TMCC1: variants seen among roughly 807,000 people sequenced by gnomAD.
TMCC1 encodes transmembrane and coiled-coil domain family 1.
A neutral mutation model predicts 52.4 loss-of-function variants in TMCC1; 15 were observed. That is an observed-to-expected ratio of 0.29 (90% confidence interval 0.19 to 0.44). The LOEUF is 0.44. Among genes scored for constraint, TMCC1 ranks in the 20% least tolerant of loss-of-function variants. The pLI is 1.00. For missense variants in TMCC1, 503 were observed against 806.0 expected, an observed-to-expected ratio of 0.62 and a Z score of 4.55; for synonymous variants, 279 against 301.9, an observed-to-expected ratio of 0.92 and a Z score of 0.79.
chr3:129,876,183 C>T (rs2061200096), intron 2 of TMCC1, among the ~76,000 whole-genome samples: 1 of 149,902 alleles, frequency 6.7e-6, no homozygotes, highest in African/African-American at 2.4e-5. Flanking sequence ...TAAAGTTATA[C>T]CTTCATTCTT....
rs537281508 is a variant in TMCC1, at chr3:129,830,957, C to T, written c.-131+1817G>A. Among the ~76,000 whole-genome samples, 36 of 152,178 alleles carry T rather than the reference C, an allele frequency of 2.4e-4. No individual in the cohort carries two copies. In the South Asian group the frequency reaches 3.7e-3, roughly 16 times the overall value. On this transcript the variant is annotated intron_variant, in intron 3 of 6. Transcript: ENST00000393238. ...TATTTTTGTTTTTGTTTTTTTGAGA[C>T]GGAGTCTTGCTCTTTCACCCAGGCT...
chr3:129,756,055 G>A (rs2052973558), intron 4 of TMCC1, among the ~76,000 whole-genome samples: 1 of 147,828 alleles, frequency 6.8e-6, no homozygotes, highest in South Asian at 2.1e-4. Context: ...CCCAGATCAT[G>A]CCACTGCACT....
chr3:129,671,286 C>G (rs6769406), intron 4 of TMCC1, 22 bp from the exon 5 acceptor site: 136,505 of 1,583,222 alleles, frequency 0.086, 7,835 homozygotes, highest in African/African-American at 0.29. Context: ...ACAAGAGGTA[C>G]ATGTTAGAAG....
intron 4 of TMCC1, among the ~76,000 whole-genome samples, chr3:129,745,090 A>G (rs1310476987): frequency 6.6e-6 from 1 of 152,248 alleles, no homozygotes; most frequent in Admixed American, 6.5e-5. Flanking sequence ...TAAGACATGC[A>G]CTGCACTGTC....
intron 4 of TMCC1, among the ~76,000 whole-genome samples, chr3:129,751,622 G>C (rs1336525531): frequency 6.6e-6 from 1 of 151,700 alleles, no homozygotes; most frequent in African/African-American, 2.4e-5. Context: ...GAGTGCAGTG[G>C]TGCAATCTTG....
In TMCC1 at chr3:129,830,569, G is replaced by A. The variant is rs2058861508; in HGVS notation, c.-130-2061C>T. On this transcript the variant is annotated intron_variant, in intron 3 of 6. Transcript: ENST00000393238. ...TTAGATCCTGAGAAGATGGGAGGGT[G>A]TGAAAGCAGCAGAACAGTACTGAAA... Among the ~76,000 whole-genome samples, 3 of 152,134 alleles carry A rather than the reference G, an allele frequency of 2.0e-5. No homozygotes were observed. The South Asian group carries it at 6.2e-4, about 32-fold the overall frequency.
rs571834238 is a variant in TMCC1, at chr3:129,702,555, AT to A, written c.577-31292del. 4.1e-3 allele frequency among the ~76,000 whole-genome samples: 627 copies of A among 152,300 alleles called. 4 individuals are homozygous for A. The highest frequency in any genetic ancestry group is 6.0e-3 in the Non-Finnish European group (407 of 68,028). ...ATGCTGTTTACCATAGTGAAGAGCTATTTCAGGCTGAATGCCATGAATGTCA... is the reference window on the plus strand; with the variant it reads ...ATGCTGTTTACCATAGTGAAGAGCTATTCAGGCTGAATGCCATGAATGTCA... On this transcript the variant is annotated intron_variant, in intron 4 of 6. Transcript: ENST00000393238.
chr3:129,657,729 A>T (rs572412031), intron 5 of TMCC1, among the ~76,000 whole-genome samples: 2 of 152,188 alleles, frequency 1.3e-5, no homozygotes, highest in African/African-American at 4.8e-5. Flanking sequence ...AGTATAATAA[A>T]AAATTATGAA....
chr3:129,841,677 C>T (rs2059429351), intron 2 of TMCC1, among the ~76,000 whole-genome samples: 1 of 152,134 alleles, frequency 6.6e-6, no homozygotes, highest in Non-Finnish European at 1.5e-5. Flanking sequence ...AAAAGGGAAG[C>T]AGAGCATAAA....
At chr3:129,672,138 C>T (rs1415732007) in intron 4 of TMCC1, among the ~76,000 whole-genome samples, 1 of 152,158 alleles carries the variant, frequency 6.6e-6, no homozygotes, top group African/African-American at 2.4e-5. Context: ...AAGAAAAAGA[C>T]AAGATACTCA....
At chr3:129,768,812 A>T (rs1476046518) in intron 4 of TMCC1, among the ~76,000 whole-genome samples, 2 of 152,212 alleles carry the variant, frequency 1.3e-5, no homozygotes, top group African/African-American at 4.8e-5. Flanking sequence ...GTCTCTAGAA[A>T]CTATGATTTT....
At chr3:129,677,305 A>C (rs902561057) in intron 4 of TMCC1, among the ~76,000 whole-genome samples, 1 of 152,218 alleles carries the variant, frequency 6.6e-6, no homozygotes, top group Non-Finnish European at 1.5e-5. Context: ...CATTCTCACA[A>C]GACTTTAGAA....
At chr3:129,787,070 A>T (rs1031227677) in intron 4 of TMCC1, among the ~76,000 whole-genome samples, 2 of 152,214 alleles carry the variant, frequency 1.3e-5, no homozygotes, top group Non-Finnish European at 2.9e-5. Flanking sequence ...ATTTGCTATC[A>T]AAAGTCATTT....
chr3:129,845,262 ATAAT>A (rs2059610195), intron 2 of TMCC1, among the ~76,000 whole-genome samples: 1 of 152,120 alleles, frequency 6.6e-6, no homozygotes, highest in Non-Finnish European at 1.5e-5. Context: ...CTGAAGTCTC[ATAAT>A]TAATATAGAT....
chr3:129,711,306 TAC>T (rs1183636541), intron 4 of TMCC1, among the ~76,000 whole-genome samples: 6 of 152,240 alleles, frequency 3.9e-5, no homozygotes, highest in Non-Finnish European at 8.8e-5. Context: ...TTTTGACAGA[TAC>T]AGTCTATGTG....
intron 4 of TMCC1, among the ~76,000 whole-genome samples, chr3:129,738,769 G>A (rs371057076): frequency 2.0e-5 from 3 of 152,190 alleles, no homozygotes; most frequent in African/African-American, 7.2e-5. Flanking sequence ...TTAACTGGAG[G>A]AGAAATTTAC....
At chr3:129,867,563 T>C (rs2060710963) in intron 2 of TMCC1, among the ~76,000 whole-genome samples, 1 of 152,242 alleles carries the variant, frequency 6.6e-6, no homozygotes, top group African/African-American at 2.4e-5. Context: ...GGTTTAAATC[T>C]GTCTCTAAAT....
chr3:129,882,507 T>C (rs1209099071), intron 1 of TMCC1, among the ~76,000 whole-genome samples: 2 of 152,142 alleles, frequency 1.3e-5, no homozygotes, highest in African/African-American at 4.8e-5. Flanking sequence ...CAATTCCACT[T>C]CTGGGTTTAT....
rs892227595 is a variant in TMCC1 at position 129,815,732 on chromosome 3, C to T, written c.576+12071G>A. Among the ~76,000 whole-genome samples the T allele has an allele frequency of 4.6e-5, 7 of 152,174 alleles. No individual in the cohort carries two copies. The South Asian group carries it at 1.0e-3, about 23-fold the overall frequency. ...ACCTCAAAAGCACAGGCAACCAAAG[C>T]AAAAACAGACAAATGGGATCACATC... On this transcript the variant is annotated intron_variant, in intron 4 of 6. Coordinates refer to ENST00000393238, the MANE Select transcript of TMCC1 (RefSeq NM_001017395.5).
Sources: allele counts gnomAD v4.1 joint callset (sites outside exome capture counted in the v4.1 genomes callset), GRCh38; gene constraint gnomAD v4.1.1; transcripts MANE v1.5; gene names NCBI Gene and HGNC (gene_info 2026-07-23, HGNC 2026-07-21).